MAL: variants seen among roughly 807,000 people sequenced by gnomAD.
MAL encodes myelin and lymphocyte protein.
MAL carries 5 observed loss-of-function variants against 16.7 expected under a neutral mutation model. The ratio of observed to expected loss-of-function variants is 0.30; its 90% CI spans 0.16 to 0.63. The LOEUF is 0.63. Ranked by LOEUF, MAL falls within the 30% of genes least tolerant of loss-of-function variation. MAL has a pLI of 0.82. For missense variants in MAL, 202 were observed against 195.8 expected (o/e 1.03, Z -0.19); for synonymous variants, 96 against 85.5 (o/e 1.12, Z -0.67).
chr2:95,046,897 A>G (rs1674598558), intron 1 of MAL, among the ~76,000 whole-genome samples: 1 of 151,038 alleles, frequency 6.6e-6, no homozygotes, highest in Non-Finnish European at 1.5e-5. Flanking sequence ...GAGAAAAGAA[A>G]GAGAGAGAGA....
At chr2:95,037,864 CTGAG>C (rs1244697169) in intron 1 of MAL, among the ~76,000 whole-genome samples, 15 of 123,602 alleles carry the variant, frequency 1.2e-4, no homozygotes, top group African/African-American at 3.2e-4. Context: ...GAGTGACTGA[CTGAG>C]TGAGTGAGAG....
intron 1 of MAL, among the ~76,000 whole-genome samples, chr2:95,035,599 A>T (rs1470045375): frequency 7.9e-5 from 12 of 151,834 alleles, no homozygotes; most frequent in Admixed American, 7.9e-4. Flanking sequence ...TGCAAGCCTG[A>T]ACAGGGGGCT....
At chr2:95,033,724 G>A (rs546688720) in intron 1 of MAL, among the ~76,000 whole-genome samples, 41 of 152,278 alleles carry the variant, frequency 2.7e-4, no homozygotes, top group African/African-American at 8.4e-4. Flanking sequence ...GCTGTAGTGA[G>A]CTGTGATCGC....
In MAL at chr2:95,053,496, A is replaced by C; in HGVS notation, c.*41A>C. 6.9e-7 allele frequency: 1 copy of C among 1,457,296 alleles called. No homozygotes were observed. Among genetic ancestry groups the C allele is most frequent in the Non-Finnish European group, 9.6e-7 (1 of 1,037,682 alleles). 90.3% of individuals were successfully genotyped at this position (1,457,296 alleles called of 1,614,324 possible). A position where few individuals can be genotyped will look rare whatever the true frequency, so the allele number is the denominator to read the frequency against. ...TGAGCTGAAAACCCAGATGGTGTTA[A>C]CTGGCCGCCCCACTTTCCGGCATAA... On this transcript the variant is annotated 3_prime_UTR_variant, in exon 4 of 4. Transcript: ENST00000309988.
At chr2:95,051,052 G>A (rs1213406217) in intron 3 of MAL, among the ~76,000 whole-genome samples, 3 of 152,206 alleles carry the variant, frequency 2.0e-5, no homozygotes, top group Non-Finnish European at 2.9e-5. Flanking sequence ...CAAAGGTTGC[G>A]AAATGTAGAT....
chr2:95,049,823 T>TCAAA, intron 3 of MAL, 117 bp downstream of exon 3: 7 of 1,427,596 alleles, frequency 4.9e-6, no homozygotes, highest in African/African-American at 1.4e-5. Context: ...TTGAGTGAGG[T>TCAAA]CAAACCTTGC....
chr2:95,042,014 A>C (rs1299807964), intron 1 of MAL, among the ~76,000 whole-genome samples: 3 of 152,084 alleles, frequency 2.0e-5, no homozygotes, highest in Admixed American at 6.6e-5. Context: ...ACGCCCATGC[A>C]CCCTCTCAGT....
At chr2:95,042,864 G>A (rs1388815690) in intron 1 of MAL, among the ~76,000 whole-genome samples, 1 of 152,200 alleles carries the variant, frequency 6.6e-6, no homozygotes, top group Non-Finnish European at 1.5e-5. Flanking sequence ...AGATTGCTCT[G>A]TGCCCAGGAG....
intron 1 of MAL, among the ~76,000 whole-genome samples, chr2:95,043,676 C>T (rs533704358): frequency 3.3e-5 from 5 of 152,306 alleles, no homozygotes; most frequent in South Asian, 4.1e-4. Context: ...GACACCTAGC[C>T]GGGAATGAAA....
intron 1 of MAL, among the ~76,000 whole-genome samples, chr2:95,046,932 AAG>A (rs747841744): frequency 6.6e-6 from 1 of 150,766 alleles, no homozygotes; most frequent in Non-Finnish European, 1.5e-5. Flanking sequence ...GAAAGAGAGA[AAG>A]AGAAAGAAAG....
intron 2 of MAL, 38 bp downstream of exon 2, chr2:95,048,164 G>T: frequency 1.3e-6 from 2 of 1,565,878 alleles, no homozygotes; most frequent in Non-Finnish European, 1.8e-6. Flanking sequence ...TTGTAGGGGG[G>T]CGCAGGAAGT....
At chr2:95,031,039 G>A (rs1383722116) in intron 1 of MAL, among the ~76,000 whole-genome samples, 1 of 152,168 alleles carries the variant, frequency 6.6e-6, no homozygotes, top group African/African-American at 2.4e-5. Context: ...GCTGCACTGA[G>A]AAGGTGGCAT....
intron 1 of MAL, among the ~76,000 whole-genome samples, chr2:95,030,931 G>A (rs1308840503): frequency 6.6e-6 from 1 of 152,238 alleles, no homozygotes; most frequent in Non-Finnish European, 1.5e-5. Context: ...GGGGACTTCT[G>A]CTAGATTTCT....
At chr2:95,037,120 GGTGA>G (rs1181938378) in intron 1 of MAL, among the ~76,000 whole-genome samples, 19 of 69,464 alleles carry the variant, frequency 2.7e-4, no homozygotes, top group African/African-American at 4.5e-4. Flanking sequence ...TGACTGAGTG[GGTGA>G]GTGAGTGAGT....
At chr2:95,037,207 GACTGAGTGACTGAGTGACCA>G in intron 1 of MAL, among the ~76,000 whole-genome samples, 1 of 151,466 alleles carries the variant, frequency 6.6e-6, no homozygotes, top group South Asian at 2.1e-4. Flanking sequence ...GTAGGTGAGT[GACTGAGTGACTGAGTGACCA>G]AGTGAGTGAG....
At chr2:95,030,072 A>G (rs562198650) in intron 1 of MAL, among the ~76,000 whole-genome samples, 31 of 152,290 alleles carry the variant, frequency 2.0e-4, no homozygotes, top group African/African-American at 6.3e-4. Context: ...GTGGAGCGCC[A>G]CTTCCATGGT....
At chr2:95,046,202 T>TG (rs558711987) in intron 1 of MAL, among the ~76,000 whole-genome samples, 12 of 151,610 alleles carry the variant, frequency 7.9e-5, no homozygotes, top group South Asian at 2.1e-4. Context: ...TGCAGGGAGG[T>TG]GGGGGGGTCA....
chr2:95,052,431 T>C (rs753579820), intron 3 of MAL, among the ~76,000 whole-genome samples: 2 of 152,230 alleles, frequency 1.3e-5, no homozygotes, highest in Non-Finnish European at 2.9e-5. Flanking sequence ...TTAAATGTGT[T>C]ATTCAATAAT....
At chr2:95,044,135 CATT>C (rs1238024678) in intron 1 of MAL, among the ~76,000 whole-genome samples, 2 of 152,078 alleles carry the variant, frequency 1.3e-5, no homozygotes, top group Non-Finnish European at 2.9e-5. Context: ...CACCTGAAGA[CATT>C]ATACTAAATG....
Sources: gnomAD v4.1 joint callset for allele counts (sites outside exome capture counted in the v4.1 genomes callset) on GRCh38, gnomAD v4.1.1 for gene constraint, MANE v1.5 for transcripts, NCBI Gene and HGNC (gene_info 2026-07-23, HGNC 2026-07-21) for gene names.